The following PRKDC variants were observed in gnomAD, a reference collection of about 807,000 sequenced individuals.
PRKDC encodes DNA-dependent protein kinase catalytic subunit.
In PRKDC, 82 loss-of-function variants were observed where a neutral mutation model predicts 486.9. The ratio of observed to expected loss-of-function variants is 0.17; its 90% CI spans 0.14 to 0.20. PRKDC has a LOEUF of 0.20. Ranked by LOEUF, PRKDC falls within the 10% of genes least tolerant of loss-of-function variation. The pLI is 1.00. For missense variants in PRKDC, 4,504 were observed against 5,038.2 expected (o/e 0.89, Z 3.21); for synonymous variants, 1,895 against 1,837.0 (o/e 1.03, Z -0.81).
chr8:47,899,029 T>C (rs1358632492), intron 28 of PRKDC, among the ~76,000 whole-genome samples: 3 of 152,216 alleles, frequency 2.0e-5, no homozygotes, highest in African/African-American at 7.2e-5. Flanking sequence ...TAAACTACGG[T>C]ATCGTTTGGT....
At chr8:47,844,750 A>G (rs1472328211) in intron 54 of PRKDC, among the ~76,000 whole-genome samples, 1 of 152,222 alleles carries the variant, frequency 6.6e-6, no homozygotes, top group Non-Finnish European at 1.5e-5. Context: ...AAACCATACA[A>G]TTACATAAAA....
At chr8:47,931,583 C>A (rs1563809685) in intron 16 of PRKDC, among the ~76,000 whole-genome samples, 1 of 152,106 alleles carries the variant, frequency 6.6e-6, no homozygotes, top group Non-Finnish European at 1.5e-5. Context: ...ACCTATCATC[C>A]CGCATGAAAA....
intron 85 of PRKDC, 109 bp from the exon 86 acceptor site, chr8:47,774,486 G>A: frequency 2.0e-6 from 2 of 1,024,970 alleles, no homozygotes; most frequent in Non-Finnish European, 2.8e-6. Context: ...CACTCACAGA[G>A]TATTTTCTGT....
At chr8:47,800,089 C>T (rs956864940) in intron 71 of PRKDC, among the ~76,000 whole-genome samples, 9 of 152,142 alleles carry the variant, frequency 5.9e-5, no homozygotes, top group South Asian at 2.1e-4. Context: ...ATTGGCTGTG[C>T]GTGCCATCCC....
intron 76 of PRKDC, among the ~76,000 whole-genome samples, chr8:47,788,455 G>A (rs188804858): frequency 1.3e-5 from 2 of 152,340 alleles, no homozygotes; most frequent in African/African-American, 4.8e-5. Context: ...TTGGTGAGCA[G>A]TTTTGTCACA....
intron 27 of PRKDC, among the ~76,000 whole-genome samples, chr8:47,902,217 T>C (rs542394481): frequency 1.3e-5 from 2 of 152,244 alleles, no homozygotes; most frequent in Non-Finnish European, 2.9e-5. Context: ...CTGACTTCCA[T>C]TTATCCTTCA....
At chr8:47,792,678 A>G (rs968835081) in intron 74 of PRKDC, among the ~76,000 whole-genome samples, 1 of 152,194 alleles carries the variant, frequency 6.6e-6, no homozygotes, top group Non-Finnish European at 1.5e-5. Context: ...CCCTGATGTG[A>G]TTGTTACACA....
At chr8:47,854,023 G>A (rs1454300716) in intron 51 of PRKDC, 60 bp downstream of exon 51, 2 of 1,589,432 alleles carry the variant, frequency 1.3e-6, no homozygotes, top group Admixed American at 1.7e-5. Flanking sequence ...GCACCATACT[G>A]AAGTCTGTCA....
intron 27 of PRKDC, 124 bp from the exon 28 acceptor site, chr8:47,900,591 G>T (rs932759121): frequency 1.3e-5 from 10 of 795,256 alleles, no homozygotes; most frequent in Non-Finnish European, 1.9e-5. Flanking sequence ...GCCGGGTGCG[G>T]TGGCTCACGC....
intron 40 of PRKDC, among the ~76,000 whole-genome samples, chr8:47,866,099 T>G (rs1275077865): frequency 7.1e-6 from 1 of 140,170 alleles, no homozygotes. Flanking sequence ...GAGGTTGCAG[T>G]GAGCTGAGAT....
chr8:47,847,086 C>G (rs1028064584), intron 54 of PRKDC, among the ~76,000 whole-genome samples: 5 of 152,162 alleles, frequency 3.3e-5, no homozygotes, highest in Admixed American at 2.0e-4. Flanking sequence ...TCTACAGATT[C>G]AATGCTATTC....
At chr8:47,959,595 C>G (rs2090776702) in intron 1 of PRKDC, among the ~76,000 whole-genome samples, 1 of 151,858 alleles carries the variant, frequency 6.6e-6, no homozygotes, top group South Asian at 2.1e-4. Flanking sequence ...AGGAGAATAG[C>G]TTGAACCCGG....
At chr8:47,880,593 C>T (rs1372765175) in intron 38 of PRKDC, among the ~76,000 whole-genome samples, 1 of 152,026 alleles carries the variant, frequency 6.6e-6, no homozygotes, top group African/African-American at 2.4e-5. Flanking sequence ...CTTAAAATGA[C>T]AGTATTTATT....
intron 34 of PRKDC, among the ~76,000 whole-genome samples, chr8:47,887,922 C>T (rs1473011613): frequency 6.6e-6 from 1 of 152,176 alleles, no homozygotes; most frequent in African/African-American, 2.4e-5. Flanking sequence ...GTGACACAAT[C>T]GTGGCTCACT....
intron 68 of PRKDC, among the ~76,000 whole-genome samples, chr8:47,810,564 G>T (rs942706795): frequency 3.9e-5 from 6 of 152,146 alleles, no homozygotes; most frequent in African/African-American, 7.2e-5. Context: ...AGAATCAGGA[G>T]AATGTATCCA....
At chr8:47,889,827 A>G (rs547242710) in intron 32 of PRKDC, among the ~76,000 whole-genome samples, 1 of 152,246 alleles carries the variant, frequency 6.6e-6, no homozygotes, top group Non-Finnish European at 1.5e-5. Flanking sequence ...TGTAGTTAAT[A>G]ACGATGCATT....
At chr8:47,777,231 G>A (rs184812704) in intron 84 of PRKDC, among the ~76,000 whole-genome samples, 26 of 151,118 alleles carry the variant, frequency 1.7e-4, no homozygotes, top group Admixed American at 1.6e-3. Flanking sequence ...TTTTTGAGGC[G>A]GAGTTTCACT....
At chr8:47,861,523 G>C (rs1006935832) in intron 44 of PRKDC, among the ~76,000 whole-genome samples, 2 of 152,180 alleles carry the variant, frequency 1.3e-5, no homozygotes, top group Non-Finnish European at 2.9e-5. Flanking sequence ...CAGCTGTGTG[G>C]GGAAAGTGCA....
intron 7 of PRKDC, among the ~76,000 whole-genome samples, chr8:47,945,048 G>A (rs920571357): frequency 2.0e-5 from 3 of 152,202 alleles, no homozygotes; most frequent in African/African-American, 7.2e-5. Context: ...TTGGGGAAAA[G>A]GTCATTCAGA....
Sources: allele counts gnomAD v4.1 joint callset (sites outside exome capture counted in the v4.1 genomes callset), GRCh38; gene constraint gnomAD v4.1.1; transcripts MANE v1.5; gene names NCBI Gene and HGNC (gene_info 2026-07-23, HGNC 2026-07-21).